Variants in THADA observed in about 807,000 individuals in gnomAD.
The protein encoded by THADA is tRNA (32-2'-O)-methyltransferase regulator THADA.
THADA carries 213 observed loss-of-function variants against 219.8 expected under a neutral mutation model. The observed-to-expected ratio is 0.97, with a 90% CI of 0.87 to 1.09. The LOEUF (loss-of-function observed/expected upper bound fraction) is 1.09, where lower values mean the gene tolerates loss of function less well. THADA is among the 50% of genes least tolerant of loss of function. The pLI, the probability that THADA is intolerant of heterozygous loss-of-function variation, is 0.00. For missense variants in THADA, 2,956 were observed against 2,311.3 expected, an observed-to-expected ratio of 1.28 and a Z score of -5.72; for synonymous variants, 1,018 against 828.9, an observed-to-expected ratio of 1.23 and a Z score of -3.92.
At chr2:43,360,618 A>G (rs1304923379) in intron 29 of THADA, among the ~76,000 whole-genome samples, 3 of 152,228 alleles carry the variant, frequency 2.0e-5, no homozygotes, top group African/African-American at 4.8e-5. Context: ...CTATGAAACC[A>G]TTCCCAGGAA....
chr2:43,313,232 C>G (rs1219700922), intron 31 of THADA, among the ~76,000 whole-genome samples: 1 of 152,184 alleles, frequency 6.6e-6, no homozygotes, highest in Admixed American at 6.5e-5. Context: ...TACCTAACTT[C>G]CATTATATAA....
At chr2:43,489,657 G>C (rs1687366141) in intron 25 of THADA, among the ~76,000 whole-genome samples, 2 of 151,968 alleles carry the variant, frequency 1.3e-5, no homozygotes, top group Admixed American at 1.3e-4. Flanking sequence ...GAATTGTCTT[G>C]GCACCTTTAT....
At chr2:43,456,875 C>T (rs6756879) in intron 26 of THADA, among the ~76,000 whole-genome samples, 8,861 of 152,198 alleles carry the variant, frequency 0.058, 721 homozygotes, top group African/African-American at 0.18. Context: ...GAGAACATAA[C>T]TCACTTTCAA....
chr2:43,341,137 G>T (rs1435358895), intron 30 of THADA, among the ~76,000 whole-genome samples: 2 of 152,180 alleles, frequency 1.3e-5, no homozygotes, highest in Non-Finnish European at 2.9e-5. Flanking sequence ...GTAAAAGTGT[G>T]CTGGGGAGCA....
chr2:43,469,263 A>G (rs1232581245), intron 26 of THADA, among the ~76,000 whole-genome samples: 1 of 152,216 alleles, frequency 6.6e-6, no homozygotes, highest in Admixed American at 6.5e-5. Flanking sequence ...TGGCTTGATT[A>G]GAGTGTGTTT....
At chr2:43,443,317 AT>A (rs1681083583) in intron 26 of THADA, among the ~76,000 whole-genome samples, 1 of 152,206 alleles carries the variant, frequency 6.6e-6, no homozygotes, top group Middle Eastern at 3.2e-3. Flanking sequence ...ATTACACAAA[AT>A]GCATCATCAG....
intron 36 of THADA, among the ~76,000 whole-genome samples, chr2:43,274,115 C>G (rs1198633391): frequency 6.6e-6 from 1 of 152,110 alleles, no homozygotes; most frequent in Non-Finnish European, 1.5e-5. Context: ...ACAGGAGGCT[C>G]CTTTGGTGTC....
chr2:43,387,515 A>G (rs921191335), intron 29 of THADA, among the ~76,000 whole-genome samples: 29 of 151,120 alleles, frequency 1.9e-4, no homozygotes, highest in African/African-American at 7.2e-4. Flanking sequence ...CTGAGCCACA[A>G]CTTCTGCCCG....
chr2:43,285,502 G>A (rs2104337399), intron 35 of THADA, among the ~76,000 whole-genome samples: 1 of 151,790 alleles, frequency 6.6e-6, no homozygotes, highest in South Asian at 2.1e-4. Context: ...CATGCTTCCT[G>A]TTAAGACTAT....
chr2:43,330,749 A>C (rs1679867258), intron 30 of THADA, among the ~76,000 whole-genome samples: 1 of 152,210 alleles, frequency 6.6e-6, no homozygotes, highest in African/African-American at 2.4e-5. Flanking sequence ...ATGAAGCCCT[A>C]TCCATGGAAG....
chr2:43,544,210 C>G (rs1024462924), intron 20 of THADA, among the ~76,000 whole-genome samples: 3 of 152,128 alleles, frequency 2.0e-5, no homozygotes, highest in African/African-American at 7.2e-5. Context: ...TTTCTGAGGG[C>G]TCTGTTCTGT....
At chr2:43,349,526 G>A (rs1159712781) in intron 29 of THADA, among the ~76,000 whole-genome samples, 2 of 152,166 alleles carry the variant, frequency 1.3e-5, no homozygotes, top group Non-Finnish European at 2.9e-5. Context: ...AGATCAAGAT[G>A]ATATATGGTT....
intron 18 of THADA, 105 bp downstream of exon 18, chr2:43,552,099 C>G: frequency 4.6e-6 from 7 of 1,519,612 alleles, no homozygotes; most frequent in Non-Finnish European, 6.2e-6. Flanking sequence ...CAATTTTATT[C>G]AAAGCAATAG....
chr2:43,294,732 G>C (rs1027022121), intron 31 of THADA, among the ~76,000 whole-genome samples: 1 of 152,142 alleles, frequency 6.6e-6, no homozygotes, highest in Non-Finnish European at 1.5e-5. Flanking sequence ...CGTAGTCCAG[G>C]AGAGAAATAA....
intron 4 of THADA, among the ~76,000 whole-genome samples, chr2:43,588,769 A>G (rs1701254610): frequency 6.6e-6 from 1 of 152,130 alleles, no homozygotes; most frequent in Non-Finnish European, 1.5e-5. Flanking sequence ...AACAATATCT[A>G]CCAAGAATTT....
intron 6 of THADA, 41 bp from the exon 7 acceptor site, chr2:43,586,490 T>G: frequency 6.8e-7 from 1 of 1,475,682 alleles, no homozygotes; most frequent in Middle Eastern, 1.9e-4. Flanking sequence ...TTTAAAACTG[T>G]GAAGCTCAAT....
intron 29 of THADA, among the ~76,000 whole-genome samples, chr2:43,344,759 G>GTTTTTTTTTTTTTTT (rs1242915350): frequency 1.3e-5 from 2 of 149,322 alleles, no homozygotes; most frequent in Admixed American, 6.7e-5. Context: ...ACTATTTAGG[G>GTTTTTTTTTTTTTTT]TTTTTTTTGT....
intron 36 of THADA, among the ~76,000 whole-genome samples, chr2:43,267,189 T>C (rs1671619842): frequency 6.6e-6 from 1 of 152,242 alleles, no homozygotes; most frequent in Non-Finnish European, 1.5e-5. Flanking sequence ...TTATTATTAA[T>C]GGTTACTTCC....
rs1695237168 is a variant in THADA, at chr2:43,541,102, A to T, written c.3264+57T>A. ...TTTTTAGAGTTGGGTTATAAAAAAA[A>T]AAGTGATTTATGCGTTGACCAGAAA... On this transcript the variant is annotated intron_variant, in intron 21 of 37. Coordinates refer to ENST00000405975, the MANE Select transcript of THADA (RefSeq NM_022065.5). The T allele has an allele frequency of 6.3e-6, 9 of 1,420,970 alleles. No homozygotes were observed. In the East Asian group the frequency reaches 2.4e-4, roughly 37 times the overall value. 88.0% of individuals were successfully genotyped at this position (1,420,970 alleles called of 1,614,324 possible).
Sources: gnomAD v4.1 joint callset for allele counts (sites outside exome capture counted in the v4.1 genomes callset) on GRCh38, gnomAD v4.1.1 for gene constraint, MANE v1.5 for transcripts, NCBI Gene and HGNC (gene_info 2026-07-23, HGNC 2026-07-21) for gene names.